The following MICAL3 variants were observed in gnomAD, a reference collection of about 807,000 sequenced individuals.
MICAL3 encodes microtubule associated monooxygenase, calponin and LIM domain containing 3.
Under a neutral mutation model 207.4 loss-of-function variants are expected in MICAL3, and 62 were observed. That is an observed-to-expected ratio of 0.30 (90% CI 0.24 to 0.37). The LOEUF (loss-of-function observed/expected upper bound fraction) is 0.37. Ranked by LOEUF, MICAL3 falls within the 10% of genes least tolerant of loss-of-function variation. MICAL3 has a pLI of 1.00. For missense variants in MICAL3, 2,368 were observed against 2,635.6 expected (o/e 0.90, Z 2.22); for synonymous variants, 1,077 against 1,069.3 (o/e 1.01, Z -0.14).
intron 29 of MICAL3, among the ~76,000 whole-genome samples, chr22:17,805,953 C>T (rs2061984658): frequency 6.6e-6 from 1 of 152,238 alleles, no homozygotes; most frequent in Non-Finnish European, 1.5e-5. Context: ...TGGTCTCAAA[C>T]TCCCGGCCTC....
In MICAL3 at chr22:17,950,486, C is replaced by G. The variant is rs192524378; in HGVS notation, c.-74-43600G>C. On this transcript the variant is annotated intron_variant, in intron 1 of 31. Transcript: ENST00000441493. The stretch of plus-strand genomic sequence containing the variant: ...TCCCAAGTAGCTGGGACTACAGGTG[C>G]CCACCACCACACCCAGCTAATTTTA... Among the ~76,000 whole-genome samples the G allele has an allele frequency of 1.3e-4, 19 of 151,958 alleles. No homozygotes were observed. The East Asian group carries it at 3.5e-3, about 28-fold the overall frequency.
In MICAL3 at chr22:17,865,982, T is replaced by C. The variant is rs570490344; in HGVS notation, c.2459A>G (p.Tyr820Cys). The C allele has an allele frequency of 4.3e-6, 7 of 1,613,968 alleles. No individual in the cohort carries two copies. Among genetic ancestry groups the C allele is most frequent in the South Asian group, 3.3e-5 (3 of 91,084 alleles). ...CCTTTGTGCGTAGCCAGAGAGTCGA[T>C]AGCAGTAGTGTGGCTTACAGTAGAA... Reference protein sequence around the residue: ...GKFYCKPHYCYRLSGYAQRKR... With the variant: ...GKFYCKPHYCCRLSGYAQRKR... The change falls in exon 18 of 32, where the codon TAT becomes TGT. Residue 820 changes from tyrosine to cysteine, a missense_variant. Around this residue, in one of 4 missense-constraint regions of MICAL3, gnomAD observed 1,770 missense variants for 1,863.2 expected, o/e 0.95. Coordinates refer to ENST00000441493, the MANE Select transcript of MICAL3 (RefSeq NM_015241.3).
chr22:17,817,575 T>C lies in MICAL3; in HGVS notation c.5086A>G (p.Ser1696Gly). ...GAGAAGAGTGACGACCTCTTCTTGC[T>C]CTTCCCACTGGAGCCCTCGGATGAA... ...FTSSEGSSGK[S>G]KKRSSLFSPR... Residue 1696 changes from serine (S) to glycine (G), a missense_variant, in exon 26 of 32, where the codon AGC becomes GGC. This residue lies in a region of MICAL3 where 1,770 missense variants were observed against 1,863.2 expected (regional missense o/e 0.95). Coordinates refer to ENST00000441493, the MANE Select transcript of MICAL3 (RefSeq NM_015241.3). 2 of 1,613,350 alleles carry C rather than the reference T, an allele frequency of 1.2e-6. No individual in the cohort carries two copies. Among genetic ancestry groups the C allele is most frequent in the Non-Finnish European group, 1.7e-6 (2 of 1,179,802 alleles).
chr22:17,841,364 C>T lies in MICAL3; in HGVS notation c.2801+458G>A, dbSNP rs118082253. The stretch of plus-strand genomic sequence containing the variant: ...AGCATGCATCCACTGGTGCTGCATG[C>T]GGCCCCTGGGGCACACATTTTCAGT... On this transcript the variant is annotated intron_variant, in intron 20 of 31. Transcript: ENST00000441493. This position sits in a 1 kb window ranked among gnomAD's most constrained non-coding sequence, Gnocchi z 4.2. 4,746 of 240,194 alleles carry T rather than the reference C, an allele frequency of 0.02. 91 individuals are homozygous for T. The highest frequency in any genetic ancestry group is 0.08 in the South Asian group (828 of 10,336). 14.9% of individuals were successfully genotyped at this position (240,194 alleles called of 1,614,324 possible).
chr22:17,852,438 A>G lies in MICAL3; in HGVS notation c.2606-10421T>C, dbSNP rs934566049. On this transcript the variant is annotated intron_variant, in intron 19 of 31. Coordinates refer to ENST00000441493, the MANE Select transcript of MICAL3 (RefSeq NM_015241.3). ...GAGGCTGGCCTGGAAGAGAATCATTAGTGTCTCGGAATGGAGAGGCTCTAA... is the reference window on the plus strand; with the variant it reads ...GAGGCTGGCCTGGAAGAGAATCATTGGTGTCTCGGAATGGAGAGGCTCTAA... Among the ~76,000 whole-genome samples, 4 of 152,282 alleles carry G rather than the reference A, an allele frequency of 2.6e-5. 1 individual carries two copies. The Middle Eastern group carries it at 0.014, about 518-fold the overall frequency.
chr22:17,842,069 G>A (rs1272867964), intron 19 of MICAL3, 52 bp from the exon 20 acceptor site: 27 of 1,526,098 alleles, frequency 1.8e-5, no homozygotes, highest in East Asian at 4.6e-5. Flanking sequence ...CAGACGGGGC[G>A]TGGGGGTGGG....
At chr22:17,848,527 G>C (rs891171275) in intron 19 of MICAL3, among the ~76,000 whole-genome samples, 3 of 152,192 alleles carry the variant, frequency 2.0e-5, no homozygotes, top group African/African-American at 4.8e-5. Flanking sequence ...TGAAGAATCA[G>C]CTTGGATACT....
At chr22:17,869,008 A>G (rs1268892270) in intron 17 of MICAL3, among the ~76,000 whole-genome samples, 2 of 152,170 alleles carry the variant, frequency 1.3e-5, no homozygotes. Context: ...GGAGCGCCAC[A>G]TGGAGATGTG....
At chr22:17,927,947 C>T (rs1485436830) in intron 1 of MICAL3, among the ~76,000 whole-genome samples, 1 of 152,106 alleles carries the variant, frequency 6.6e-6, no homozygotes, top group Non-Finnish European at 1.5e-5. Context: ...TTTAGCAGCG[C>T]CAGAACCACA....
chr22:17,943,969 C>G (rs1933930886), intron 1 of MICAL3, among the ~76,000 whole-genome samples: 1 of 152,152 alleles, frequency 6.6e-6, no homozygotes, highest in Non-Finnish European at 1.5e-5. Flanking sequence ...ACAGGCACCC[C>G]AGGGATGCAC....
chr22:18,015,422 CTTTTT>C (rs34098867), intron 1 of MICAL3, among the ~76,000 whole-genome samples: 2 of 105,576 alleles, frequency 1.9e-5, no homozygotes, highest in Admixed American at 1.1e-4. Flanking sequence ...TAAGACTCAT[CTTTTT>C]TTTTTTTTTT....
rs145932918 is a variant in MICAL3, at chr22:17,948,937, C to T, written c.-74-42051G>A. 6.8e-3 allele frequency among the ~76,000 whole-genome samples: 683 copies of T among 100,194 alleles called. 5 individuals carry two copies. Among genetic ancestry groups the T allele is most frequent in the African/African-American group, 0.026 (631 of 24,516 alleles). 65.7% of individuals were successfully genotyped at this position (100,194 alleles called of 152,430 possible). A position where few individuals can be genotyped will look rare whatever the true frequency, so the allele number is the denominator to read the frequency against. ...CAAAAAAAAAAAAAATTGGCCAGCA[C>T]GGTGGGTCGTGCCTGTAATCCCAGC... On this transcript the variant is annotated intron_variant, in intron 1 of 31. Transcript: ENST00000441493.
At position 17,900,447 on chromosome 22, in the gene MICAL3, G is replaced by A. The variant is rs1931226173; in HGVS notation, c.847+395C>T. Among the ~76,000 whole-genome samples, 1 of 152,156 alleles carries A rather than the reference G, an allele frequency of 6.6e-6. No individual in the cohort carries two copies. The highest frequency in any genetic ancestry group is 2.1e-4 in the South Asian group (1 of 4,814). ...GAAACTCCGTCTCTACAAGTAATAC[G>A]AAAAATTAGCCAGGCATGGTGGAGC... On this transcript the variant is annotated intron_variant, in intron 6 of 31. Coordinates refer to ENST00000441493, the MANE Select transcript of MICAL3 (RefSeq NM_015241.3). This position sits in a 1 kb window ranked among gnomAD's most constrained non-coding sequence, Gnocchi z 4.0.
chr22:17,846,148 G>A (rs982875167), intron 19 of MICAL3, among the ~76,000 whole-genome samples: 2 of 152,228 alleles, frequency 1.3e-5, no homozygotes, highest in African/African-American at 4.8e-5. Flanking sequence ...GAAAAGGGGA[G>A]CTGGGAGGCA....
At chr22:17,950,026 CT>C (rs1252185894) in intron 1 of MICAL3, among the ~76,000 whole-genome samples, 1 of 152,200 alleles carries the variant, frequency 6.6e-6, no homozygotes, top group Admixed American at 6.5e-5. Flanking sequence ...CAGAAACAGC[CT>C]GTAGAGGACT....
chr22:17,942,993 A>G (rs2146340813), intron 1 of MICAL3, among the ~76,000 whole-genome samples: 2 of 152,368 alleles, frequency 1.3e-5, no homozygotes, highest in East Asian at 3.9e-4. Context: ...AGCCACTGCT[A>G]CAGAACTACA....
At chr22:17,819,612 T>G (rs1921321716) in intron 25 of MICAL3, among the ~76,000 whole-genome samples, 1 of 151,994 alleles carries the variant, frequency 6.6e-6, no homozygotes, top group Non-Finnish European at 1.5e-5. Context: ...AGCCCTTATA[T>G]CACCCCATCC....
chr22:17,902,456 C>T lies in MICAL3; in HGVS notation c.589+175G>A, dbSNP rs1467330527. On this transcript the variant is annotated intron_variant, in intron 4 of 31. Coordinates refer to ENST00000441493, the MANE Select transcript of MICAL3 (RefSeq NM_015241.3). The surrounding 1 kb of genome is among the most constrained non-coding windows in gnomAD (Gnocchi z 4.5). ...TGCAGAGGGCTCACGGGGCCCTTCCCACCACATGTGCGCCTGCGACATCTA... is the reference window on the plus strand; with the variant it reads ...TGCAGAGGGCTCACGGGGCCCTTCCTACCACATGTGCGCCTGCGACATCTA... Among the ~76,000 whole-genome samples, 2 of 152,180 alleles carry T rather than the reference C, an allele frequency of 1.3e-5. No individual in the cohort carries two copies. Among genetic ancestry groups the T allele is most frequent in the African/African-American group, 2.4e-5 (1 of 41,456 alleles).
chr22:17,900,374 T>C lies in MICAL3; in HGVS notation c.847+468A>G, dbSNP rs1217150144. 6.6e-6 allele frequency among the ~76,000 whole-genome samples: 1 copy of C among 152,158 alleles called. No homozygotes were observed. The highest frequency in any genetic ancestry group is 1.9e-4 in the East Asian group (1 of 5,192). On this transcript the variant is annotated intron_variant, in intron 6 of 31. Coordinates refer to ENST00000441493, the MANE Select transcript of MICAL3 (RefSeq NM_015241.3). This position sits in a 1 kb window ranked among gnomAD's most constrained non-coding sequence, Gnocchi z 4.0. Reference sequence around the variant, plus strand: ...TTGTAATCCTAGCACTTTGGGAGGCTGAGGCAGGTGGAGCCCAGGAGTTTG... The same window carrying C: ...TTGTAATCCTAGCACTTTGGGAGGCCGAGGCAGGTGGAGCCCAGGAGTTTG...
Sources: gnomAD v4.1 joint callset for allele counts (sites outside exome capture counted in the v4.1 genomes callset) on GRCh38, gnomAD v4.1.1 for gene constraint, gnomAD v4.1.1 regional missense constraint, Gnocchi (gnomAD v3.1) non-coding constraint, MANE v1.5 for transcripts, NCBI Gene and HGNC (gene_info 2026-07-23, HGNC 2026-07-21) for gene names.